KCTD1: variants seen among roughly 807,000 people sequenced by gnomAD.
KCTD1 encodes the protein BTB/POZ domain-containing protein KCTD1.
KCTD1 carries 24 observed loss-of-function variants against 66.0 expected under a neutral mutation model. The ratio of observed to expected loss-of-function variants is 0.36; its 90% CI spans 0.26 to 0.51. The LOEUF is 0.51. KCTD1 is among the 20% of genes least tolerant of loss of function. The pLI is 0.95. For missense variants in KCTD1, 943 were observed against 1,205.2 expected (o/e 0.78, Z 3.22); for synonymous variants, 511 against 517.2 (o/e 0.99, Z 0.16).
upstream of KCTD1, chr18:26,548,703 G>A: frequency 1.0e-6 from 1 of 979,724 alleles, no homozygotes; most frequent in Non-Finnish European, 1.3e-6. Context: ...GAGGGGCAGC[G>A]GCGCGCAGGG....
At chr18:26,518,177 C>T (rs1288807546) in intron 1 of KCTD1, among the ~76,000 whole-genome samples, 1 of 152,244 alleles carries the variant, frequency 6.6e-6, no homozygotes, top group Non-Finnish European at 1.5e-5. Context: ...AGCTCCCCAT[C>T]TTTCACCTTC....
intron 1 of KCTD1, among the ~76,000 whole-genome samples, chr18:26,653,328 CTTCTT>C (rs1327126451): frequency 6.6e-6 from 1 of 152,200 alleles, no homozygotes; most frequent in Non-Finnish European, 1.5e-5. Flanking sequence ...AATACTGTTC[CTTCTT>C]TTTTCTCCCT....
chr18:26,480,761 T>C (rs995193492), intron 2 of KCTD1, among the ~76,000 whole-genome samples: 4 of 151,962 alleles, frequency 2.6e-5, no homozygotes, highest in Non-Finnish European at 5.9e-5. Context: ...AGCGAGACTT[T>C]GTCTTAAAAA....
At chr18:26,537,815 A>C (rs1984779365) in intron 1 of KCTD1, among the ~76,000 whole-genome samples, 1 of 152,228 alleles carries the variant, frequency 6.6e-6, no homozygotes, top group South Asian at 2.1e-4. Flanking sequence ...ATTCCAAATA[A>C]AATTTAATCT....
intron 1 of KCTD1, among the ~76,000 whole-genome samples, chr18:26,582,394 A>G (rs1986375748): frequency 6.6e-6 from 1 of 152,194 alleles, no homozygotes; most frequent in African/African-American, 2.4e-5. Flanking sequence ...ATTAAACTAA[A>G]TGAGTTATTG....
intron 1 of KCTD1, among the ~76,000 whole-genome samples, chr18:26,564,289 T>A (rs186373602): frequency 2.4e-4 from 37 of 152,272 alleles, no homozygotes; most frequent in African/African-American, 8.9e-4. Context: ...ACTTTTCCAG[T>A]CAAATTCTGA....
chr18:26,459,516 T>G, intron 4 of KCTD1, 104 bp downstream of exon 4: 31 of 1,093,020 alleles, frequency 2.8e-5, no homozygotes, highest in Non-Finnish European at 3.7e-5. Flanking sequence ...TGTCACTGAG[T>G]GAGTTTCTAA....
At chr18:26,492,605 C>CAATA (rs56266790) in intron 2 of KCTD1, among the ~76,000 whole-genome samples, 26,858 of 138,336 alleles carry the variant, frequency 0.19, 2,826 homozygotes, top group South Asian at 0.25. Context: ...GACACTGTCT[C>CAATA]AATAAATAAA....
chr18:26,537,220 G>A (rs1178984611), intron 1 of KCTD1, among the ~76,000 whole-genome samples: 2 of 151,996 alleles, frequency 1.3e-5, no homozygotes, highest in East Asian at 3.9e-4. Context: ...TTTTTCTGGA[G>A]TGAAAAAACA....
At chr18:26,477,318 A>G (rs1217559081) in intron 2 of KCTD1, among the ~76,000 whole-genome samples, 2 of 152,248 alleles carry the variant, frequency 1.3e-5, no homozygotes, top group African/African-American at 4.8e-5. Context: ...CCAGAACATG[A>G]GTAGCTATGC....
rs565639711 is a variant in KCTD1 at position 26,520,518 on chromosome 18, G to GAGATTTAGTTTGAGGTGGATGTCGACAC, written c.1810-19296_1810-19269dup. ...TCAAGATTTATACGAAGACAATTTA[G>GAGATTTAGTTTGAGGTGGATGTCGACAC]AGATTTAGTTTGAGGTGGATGTCGA... On this transcript the variant is annotated intron_variant, in intron 1 of 4. Coordinates refer to ENST00000580059, the MANE Select transcript of KCTD1 (RefSeq NM_001142730.3). 6.5e-3 allele frequency among the ~76,000 whole-genome samples: 991 copies of GAGATTTAGTTTGAGGTGGATGTCGACAC among 152,278 alleles called. 5 individuals are homozygous for GAGATTTAGTTTGAGGTGGATGTCGACAC. Among genetic ancestry groups the GAGATTTAGTTTGAGGTGGATGTCGACAC allele is most frequent in the Non-Finnish European group, 0.011 (724 of 68,022 alleles).
chr18:26,602,033 T>G (rs1000263268), intron 1 of KCTD1, among the ~76,000 whole-genome samples: 2 of 152,178 alleles, frequency 1.3e-5, no homozygotes, highest in African/African-American at 4.8e-5. Flanking sequence ...CCATGATGAA[T>G]GGAAGTGATG....
At chr18:26,636,121 T>C (rs1987718300) in intron 1 of KCTD1, among the ~76,000 whole-genome samples, 2 of 152,080 alleles carry the variant, frequency 1.3e-5, no homozygotes, top group Non-Finnish European at 2.9e-5. Context: ...TGGGGGTATC[T>C]AGATAATTTG....
At chr18:26,600,051 T>C in intron 1 of KCTD1, 1 of 1,611,324 alleles carries the variant, frequency 6.2e-7, no homozygotes, top group Admixed American at 1.7e-5. Flanking sequence ...TTGACTCAGA[T>C]GAGCTGCTGG....
upstream of KCTD1, chr18:26,549,552 G>T (rs1985460382): frequency 6.2e-6 from 5 of 807,474 alleles, no homozygotes; most frequent in Non-Finnish European, 7.5e-6. Flanking sequence ...CCCGCCCAGG[G>T]CGCCGCCCTC....
intron 1 of KCTD1, among the ~76,000 whole-genome samples, chr18:26,505,486 GTC>G (rs1054063724): frequency 6.6e-6 from 1 of 152,234 alleles, no homozygotes; most frequent in African/African-American, 2.4e-5. Flanking sequence ...AGGAACCCTT[GTC>G]TTAACATGAA....
intron 1 of KCTD1, among the ~76,000 whole-genome samples, chr18:26,650,664 T>A (rs1340102573): frequency 1.3e-5 from 2 of 152,096 alleles, no homozygotes; most frequent in African/African-American, 4.8e-5. Flanking sequence ...AATGGATGGG[T>A]AGGATAGAGA....
intron 1 of KCTD1, among the ~76,000 whole-genome samples, chr18:26,645,356 C>T (rs1296592031): frequency 1.3e-5 from 2 of 152,070 alleles, no homozygotes; most frequent in Admixed American, 1.3e-4. Flanking sequence ...CTCAAGTGAT[C>T]GTCCTGCCTC....
intron 1 of KCTD1, among the ~76,000 whole-genome samples, chr18:26,627,976 C>A (rs1987538849): frequency 1.3e-5 from 2 of 152,186 alleles, no homozygotes; most frequent in Admixed American, 6.5e-5. Flanking sequence ...CTGCAGGCTG[C>A]CGGGAGGTTG....
Sources: gnomAD v4.1 joint callset for allele counts (sites outside exome capture counted in the v4.1 genomes callset) on GRCh38, gnomAD v4.1.1 for gene constraint, MANE v1.5 for transcripts, NCBI Gene and HGNC (gene_info 2026-07-23, HGNC 2026-07-21) for gene names.